Variants in WNT9A observed in about 807,000 individuals in gnomAD.
The protein encoded by WNT9A is Wnt family member 9A, also known as protein Wnt-9a.
WNT9A carries 8 observed loss-of-function variants against 31.4 expected under a neutral mutation model. The observed-to-expected ratio is 0.26, with a 90% CI of 0.15 to 0.46. WNT9A has a LOEUF of 0.46. Ranked by LOEUF, WNT9A falls within the 20% of genes least tolerant of loss-of-function variation. WNT9A has a pLI of 0.99. For missense variants in WNT9A, 457 were observed against 522.9 expected (o/e 0.87, Z 1.23); for synonymous variants, 236 against 220.1 (o/e 1.07, Z -0.64).
intron 1 of WNT9A, among the ~76,000 whole-genome samples, chr1:227,933,218 C>T (rs567729091): frequency 6.6e-6 from 1 of 152,364 alleles, no homozygotes; most frequent in South Asian, 2.1e-4. Context: ...CCAGCTCTTG[C>T]ACTTTTATGT....
In WNT9A at chr1:227,921,656, C is replaced by T; in HGVS notation, c.960G>A (p.Glu320=). The change falls in exon 4 of 4, where the codon GAG becomes GAA. Residue 320 remains glutamate, a synonymous_variant. Coordinates refer to ENST00000272164, the MANE Select transcript of WNT9A (RefSeq NM_003395.4). ...TATGGCCGCGGCCACAGCAGATGCT[C>T]TCGCAGTTCTTCTCACGGTGGCACC... The part of the protein sequence containing the change: ...GRRCHREKNC[E]SICCGRGHNT... 10 of 1,613,366 alleles carry T rather than the reference C, an allele frequency of 6.2e-6. No individual in the cohort carries two copies. The highest frequency in any genetic ancestry group is 8.5e-6 in the Non-Finnish European group (10 of 1,179,998).
At chr1:227,941,183 C>G (rs1666698778) in intron 1 of WNT9A, among the ~76,000 whole-genome samples, 1 of 152,200 alleles carries the variant, frequency 6.6e-6, no homozygotes, top group Non-Finnish European at 1.5e-5. Flanking sequence ...CGGGGCTGGG[C>G]TGCCAGGTGA....
rs1383811472 is a variant in WNT9A at position 227,925,101 on chromosome 1, G to A, written c.352+162C>T. On this transcript the variant is annotated intron_variant, in intron 2 of 3. Transcript: ENST00000272164. The surrounding 1 kb of genome is among the most constrained non-coding windows in gnomAD (Gnocchi z 6.0). Reference sequence around the variant, plus strand: ...GGCAGGGCAGGCAGCACTCAGGGAGGTCCCGGGGCTGCCCTTTCCAGGGCC... The same window carrying A: ...GGCAGGGCAGGCAGCACTCAGGGAGATCCCGGGGCTGCCCTTTCCAGGGCC... Among the ~76,000 whole-genome samples the A allele has an allele frequency of 6.6e-6, 1 of 152,198 alleles. No individual in the cohort carries two copies. Among genetic ancestry groups the A allele is most frequent in the Non-Finnish European group, 1.5e-5 (1 of 68,020 alleles).
At chr1:227,944,293 T>C (rs951833854) in intron 1 of WNT9A, among the ~76,000 whole-genome samples, 3 of 152,138 alleles carry the variant, frequency 2.0e-5, no homozygotes, top group Non-Finnish European at 2.9e-5. Flanking sequence ...GGATTCCATT[T>C]CTAGGAAACG....
chr1:227,938,578 C>G (rs576499288), intron 1 of WNT9A, among the ~76,000 whole-genome samples: 1 of 152,112 alleles, frequency 6.6e-6, no homozygotes. Context: ...CGCATACGCA[C>G]GTGCAGACAC....
chr1:227,943,072 C>A (rs1438070878), intron 1 of WNT9A, among the ~76,000 whole-genome samples: 1 of 152,228 alleles, frequency 6.6e-6, no homozygotes, highest in Non-Finnish European at 1.5e-5. Flanking sequence ...GTATGTCCTG[C>A]CCACAGCCAG....
intron 1 of WNT9A, among the ~76,000 whole-genome samples, chr1:227,946,948 TGGAGGGTGGCGG>T (rs1666804193): frequency 6.6e-6 from 1 of 152,132 alleles, no homozygotes; most frequent in African/African-American, 2.4e-5. Flanking sequence ...GGTAGGAGGC[TGGAGGGTGGCGG>T]GGAGGCCCGG....
In WNT9A at chr1:227,921,937, G is replaced by T. The variant is rs773218269; in HGVS notation, c.679C>A (p.Arg227=). The change falls in exon 4 of 4, where the codon CGG becomes AGG. Residue 227 remains arginine (R), a synonymous_variant. Transcript: ENST00000272164. ...GGCGCCAACTGCCGCCAGCAGGTCCGCACCGTGCATGAGCCTGACACGCCG... is the reference window on the plus strand; with the variant it reads ...GGCGCCAACTGCCGCCAGCAGGTCCTCACCGTGCATGAGCCTGACACGCCG... The part of the protein sequence containing the change: ...CHGVSGSCTV[R]TCWRQLAPFH... 8.1e-6 allele frequency: 13 copies of T among 1,612,996 alleles called. No homozygotes were observed. Among genetic ancestry groups the T allele is most frequent in the Admixed American group, 1.7e-5 (1 of 60,012 alleles).
Position 227,928,204 on chromosome 1 carries a change from G to C in WNT9A, c.96-2685C>G, listed in dbSNP as rs1666452172. On this transcript the variant is annotated intron_variant, in intron 1 of 3. Transcript: ENST00000272164. This position sits in a 1 kb window ranked among gnomAD's most constrained non-coding sequence, Gnocchi z 4.5. ...GCACCCCTGAAGCATGCAGACAGCAGGGCAGCAAGTGTGGCTACACCTGGA... is the reference window on the plus strand; with the variant it reads ...GCACCCCTGAAGCATGCAGACAGCACGGCAGCAAGTGTGGCTACACCTGGA... Among the ~76,000 whole-genome samples, 1 of 152,152 alleles carries C rather than the reference G, an allele frequency of 6.6e-6. No homozygotes were observed. The highest frequency in any genetic ancestry group is 1.9e-4 in the East Asian group (1 of 5,180).
Position 227,942,626 on chromosome 1 carries a change from T to G in WNT9A, c.95+5167A>C, listed in dbSNP as rs1011356332. On this transcript the variant is annotated intron_variant, in intron 1 of 3. Transcript: ENST00000272164. This position sits in a 1 kb window ranked among gnomAD's most constrained non-coding sequence, Gnocchi z 5.7. ...CTGCCCCACTGAGCCACTTCCACGATCTCTCGAAACAAGGCAGCTCCCTGG... is the reference window on the plus strand; with the variant it reads ...CTGCCCCACTGAGCCACTTCCACGAGCTCTCGAAACAAGGCAGCTCCCTGG... Among the ~76,000 whole-genome samples, 8 of 152,040 alleles carry G rather than the reference T, an allele frequency of 5.3e-5. No homozygotes were observed. The highest frequency in any genetic ancestry group is 1.9e-4 in the African/African-American group (8 of 41,386).
chr1:227,921,368 A>C lies in WNT9A; in HGVS notation c.*150T>G. The C allele has an allele frequency of 7.9e-7, 1 of 1,272,368 alleles. No homozygotes were observed. Among genetic ancestry groups the C allele is most frequent in the Non-Finnish European group, 1.1e-6 (1 of 932,668 alleles). 78.8% of individuals were successfully genotyped at this position (1,272,368 alleles called of 1,614,324 possible). On this transcript the variant is annotated 3_prime_UTR_variant, in exon 4 of 4. Coordinates refer to ENST00000272164, the MANE Select transcript of WNT9A (RefSeq NM_003395.4). The stretch of plus-strand genomic sequence containing the variant: ...CTGAGCCCAGGGACTCAGCCCATGC[A>C]GGTGTAGACCCATTCACACTGTGTG...
intron 1 of WNT9A, among the ~76,000 whole-genome samples, chr1:227,946,010 G>C (rs1025755725): frequency 6.6e-6 from 1 of 152,198 alleles, no homozygotes; most frequent in Non-Finnish European, 1.5e-5. Context: ...CTTGCCCTCT[G>C]GACTTCCCAC....
chr1:227,925,510 G>A lies in WNT9A; in HGVS notation c.105C>T (p.Gly35=). 1 of 1,545,604 alleles carries A rather than the reference G, an allele frequency of 6.5e-7. No individual in the cohort carries two copies. Among genetic ancestry groups the A allele is most frequent in the Non-Finnish European group, 8.7e-7 (1 of 1,150,316 alleles). ...RPSAAYFGLT[G]SEPLTILPLT... Reference sequence around the variant, plus strand: ...GCGGGAGGATGGTCAGGGGCTCGCTGCCCGTCAGCCTGGGCACAGAGAGGC... The same window carrying A: ...GCGGGAGGATGGTCAGGGGCTCGCTACCCGTCAGCCTGGGCACAGAGAGGC... Residue 35 remains glycine, a synonymous_variant, in exon 2 of 4, where the codon GGC becomes GGT. Transcript: ENST00000272164. This position sits in a 1 kb window ranked among gnomAD's most constrained non-coding sequence, Gnocchi z 6.0.
Position 227,921,790 on chromosome 1 carries a change from C to G in WNT9A, c.826G>C (p.Gly276Arg), listed in dbSNP as rs1254912012. ...AISPPRGRAS[G>R]AGGSDPLPRT... ...GGCAGCGGGTCGCTGCCACCTGCCCCCGAGGCACGGCCCCGTGGTGGGGAG... is the reference window on the plus strand; with the variant it reads ...GGCAGCGGGTCGCTGCCACCTGCCCGCGAGGCACGGCCCCGTGGTGGGGAG... Residue 276 changes from glycine to arginine, a missense_variant, in exon 4 of 4, where the codon GGG becomes CGG. Physicochemically the swap from Gly to Arg is moderately radical, Grantham distance 125. Transcript: ENST00000272164. The G allele has an allele frequency of 3.7e-6, 6 of 1,612,378 alleles. No individual in the cohort carries two copies. Among genetic ancestry groups the G allele is most frequent in the Non-Finnish European group, 5.1e-6 (6 of 1,179,672 alleles).
intron 1 of WNT9A, among the ~76,000 whole-genome samples, chr1:227,931,878 G>A (rs1666517257): frequency 8.9e-6 from 1 of 112,432 alleles, no homozygotes; most frequent in African/African-American, 3.7e-5. Context: ...CTGTGGAAAT[G>A]TCTTTTTTTT....
rs935016452 is a variant in WNT9A, at chr1:227,926,353, C to T, written c.96-834G>A. 1.3e-5 allele frequency among the ~76,000 whole-genome samples: 2 copies of T among 152,106 alleles called. No homozygotes were observed. Among genetic ancestry groups the T allele is most frequent in the African/African-American group, 4.8e-5 (2 of 41,414 alleles). Reference sequence around the variant, plus strand: ...AACCCGGCTCCACCCCACTGGGTGCCCCCTCCCCCCAGCTGGCTGCTGGCT... The same window carrying T: ...AACCCGGCTCCACCCCACTGGGTGCTCCCTCCCCCCAGCTGGCTGCTGGCT... On this transcript the variant is annotated intron_variant, in intron 1 of 3. Transcript: ENST00000272164. The surrounding 1 kb of genome is among the most constrained non-coding windows in gnomAD (Gnocchi z 5.0).
rs772413527 is a variant in WNT9A, at chr1:227,925,053, G to C, written c.352+210C>G. On this transcript the variant is annotated intron_variant, in intron 2 of 3. Transcript: ENST00000272164. This position sits in a 1 kb window ranked among gnomAD's most constrained non-coding sequence, Gnocchi z 6.0. ...TCAGCATGCCCTGGCCACCAGCAAC[G>C]ACTGTGCGTGTGCCTAAAGCAAGGC... 6.6e-6 allele frequency among the ~76,000 whole-genome samples: 1 copy of C among 152,204 alleles called. No homozygotes were observed. The highest frequency in any genetic ancestry group is 1.5e-5 in the Non-Finnish European group (1 of 68,018).
chr1:227,923,231 G>A (rs1048060081), intron 3 of WNT9A, among the ~76,000 whole-genome samples: 4 of 152,102 alleles, frequency 2.6e-5, no homozygotes, highest in African/African-American at 7.2e-5. Context: ...CAGCAGGGCC[G>A]GCTCTATTTA....
intron 1 of WNT9A, among the ~76,000 whole-genome samples, chr1:227,946,893 G>A (rs1666803126): frequency 6.6e-6 from 1 of 152,140 alleles, no homozygotes; most frequent in African/African-American, 2.4e-5. Flanking sequence ...CAGGTCGGGG[G>A]CTGGGATCCG....
Sources: gnomAD v4.1 joint callset for allele counts (sites outside exome capture counted in the v4.1 genomes callset) on GRCh38, gnomAD v4.1.1 for gene constraint, Gnocchi (gnomAD v3.1) non-coding constraint, MANE v1.5 for transcripts, NCBI Gene and HGNC (gene_info 2026-07-23, HGNC 2026-07-21) for gene names.